The following NPC1 variants were observed in gnomAD, a reference collection of about 807,000 sequenced individuals.
NPC1 encodes NPC intracellular cholesterol transporter 1.
NPC1 carries 85 observed loss-of-function variants against 140.4 expected under a neutral mutation model. The ratio of observed to expected loss-of-function variants is 0.61; its 90% confidence interval spans 0.51 to 0.72. The LOEUF (loss-of-function observed/expected upper bound fraction) is 0.72. Ranked by LOEUF, NPC1 falls within the 30% of genes least tolerant of loss-of-function variation. The pLI is 0.00. For synonymous variants in NPC1, 656 were observed against 624.8 expected, an observed-to-expected ratio of 1.05 and a Z score of -0.74; for missense variants, 1,504 against 1,623.8, an observed-to-expected ratio of 0.93 and a Z score of 1.27.
At position 23,548,072 on chromosome 18, in the gene NPC1, G is replaced by T. The variant is rs2058814189; in HGVS notation, c.1691C>A (p.Thr564Asn). ...ATTATAGTAATTATTGACAGGGAAG[G>T]TAATCACAAGGGCAGTGGCGTTATT... ...NYNNATALVITFPVNNYYNDT... is the reference protein window; with the variant it reads ...NYNNATALVINFPVNNYYNDT... Residue 564 changes from threonine to asparagine, a missense_variant, in exon 11 of 25, where the codon ACC becomes AAC. By Grantham distance (65) the Thr-to-Asn change is moderately conservative. Transcript: ENST00000269228. The T allele has an allele frequency of 6.2e-7, 1 of 1,612,062 alleles. No individual in the cohort carries two copies. Among genetic ancestry groups the T allele is most frequent in the Non-Finnish European group, 8.5e-7 (1 of 1,178,186 alleles).
intron 3 of NPC1, chr18:23,507,109 G>C: frequency 7.7e-7 from 1 of 1,296,644 alleles, no homozygotes; most frequent in Non-Finnish European, 1.1e-6. Context: ...ACATTTGGAA[G>C]AGAAGGAATC....
At chr18:23,552,632 A>C (rs923121382) in intron 9 of NPC1, among the ~76,000 whole-genome samples, 2 of 152,250 alleles carry the variant, frequency 1.3e-5, no homozygotes, top group Non-Finnish European at 2.9e-5. Flanking sequence ...CTGGCAGTGC[A>C]GTGCAGACAG....
chr18:23,560,523 C>T (rs1348475713), intron 5 of NPC1, 43 bp from the exon 6 acceptor site: 1 of 1,608,790 alleles, frequency 6.2e-7, no homozygotes, highest in Non-Finnish European at 8.5e-7. Flanking sequence ...CAATTAAAAA[C>T]ATCCAAAATT....
intron 1 of NPC1, among the ~76,000 whole-genome samples, chr18:23,574,547 G>A (rs895733561): frequency 6.6e-6 from 1 of 152,138 alleles, no homozygotes; most frequent in African/African-American, 2.4e-5. Context: ...AGTCTGTGTT[G>A]GTCCTTCAGT....
chr18:23,553,008 G>A (rs1228455439), intron 9 of NPC1, among the ~76,000 whole-genome samples: 2 of 152,210 alleles, frequency 1.3e-5, no homozygotes, highest in Non-Finnish European at 2.9e-5. Context: ...GGACCCTCAG[G>A]TGAAAAAGTC....
intron 1 of NPC1, among the ~76,000 whole-genome samples, chr18:23,585,487 A>C (rs937065705): frequency 2.0e-5 from 3 of 152,192 alleles, no homozygotes; most frequent in African/African-American, 7.2e-5. Flanking sequence ...GAGGGGCGTT[A>C]ATGTGCACAA....
rs773767253 is a variant in NPC1, at chr18:23,539,363, T to C, written c.2903A>G (p.Asn968Ser). The change falls in exon 19 of 25, where the codon AAT (asparagine) becomes AGT (serine). Residue 968 changes from asparagine to serine, a missense_variant. Transcript: ENST00000269228. ...GGTAAAGGAGAAGGTACCTGAAGCA[T>C]TGCAGAACTGGTCAGTGATATTGTC... ...RVDNITDQFC[N>S]ASVVDPACVR... is the part of the protein sequence containing the mutation. 30 of 1,610,350 alleles carry C rather than the reference T, an allele frequency of 1.9e-5. No homozygotes were observed. Among genetic ancestry groups the C allele is most frequent in the African/African-American group, 9.4e-5 (7 of 74,844 alleles).
At chr18:23,543,347 G>GAA (rs888343174) in intron 14 of NPC1, 108 bp downstream of exon 14, 430 of 401,580 alleles carry the variant, frequency 1.1e-3, no homozygotes, top group Middle Eastern at 1.2e-3. Flanking sequence ...AAAAAAAAAA[G>GAA]AAAAAAAAAA....
intron 3 of NPC1, chr18:23,509,355 G>A (rs1358328104): frequency 6.1e-6 from 3 of 492,950 alleles, no homozygotes; most frequent in South Asian, 6.3e-5. Flanking sequence ...ATTCAGTACT[G>A]AATATATATA....
Position 23,562,308 on chromosome 18 carries a change from A to C in NPC1, c.464-781T>G, listed in dbSNP as rs200486920. ...CATCACAAAAAAACAAAAAAAAAAA[A>C]CAAAAAAAACCCCTAATACTGTTAT... On this transcript the variant is annotated intron_variant, in intron 4 of 24. Transcript: ENST00000269228. Among the ~76,000 whole-genome samples the C allele has an allele frequency of 8.7e-4, 129 of 148,342 alleles. 1 individual carries two copies. In the East Asian group the frequency reaches 0.022, roughly 25 times the overall value.
intron 4 of NPC1, among the ~76,000 whole-genome samples, chr18:23,567,248 T>C (rs1393928475): frequency 6.6e-6 from 1 of 152,262 alleles, no homozygotes; most frequent in African/African-American, 2.4e-5. Context: ...CCAAGGTGGC[T>C]GTACCGTTTT....
chr18:23,543,333 A>AGAAAAAAAAAAAAAG lies in NPC1; in HGVS notation c.2245+121_2245+122insCTTTTTTTTTTTTTC, dbSNP rs71373350. The AGAAAAAAAAAAAAAG allele has an allele frequency of 3.8e-3, 957 of 250,302 alleles. 19 individuals are homozygous for AGAAAAAAAAAAAAAG. The African/African-American group carries it at 0.056, about 15-fold the overall frequency. The allele number at this position is 250,302 out of a possible 1,614,324, so 15.5% of individuals were successfully genotyped here. A position where few individuals can be genotyped will look rare whatever the true frequency, so the allele number is the denominator to read the frequency against. ...GGCAGAGTGAGACTCCGTCTCAGAGAAAAAAAAAAAAAAGAAAAAAAAAAA... is the reference window on the plus strand; with the variant it reads ...GGCAGAGTGAGACTCCGTCTCAGAGAGAAAAAAAAAAAAAGAAAAAAAAAAAAAGAAAAAAAAAAA... On this transcript the variant is annotated intron_variant, in intron 14 of 24. Transcript: ENST00000269228.
At chr18:23,540,991 G>A in intron 16 of NPC1, 77 bp downstream of exon 16, 1 of 1,503,322 alleles carries the variant, frequency 6.7e-7, no homozygotes, top group Non-Finnish European at 9.3e-7. Flanking sequence ...TCCTTCCCAG[G>A]CTGTCTGGCT....
rs1378397795 is a variant in NPC1 at position 23,542,833 on chromosome 18, C to T, written c.2245+622G>A. Among the ~76,000 whole-genome samples the T allele has an allele frequency of 3.9e-5, 6 of 152,196 alleles. No homozygotes were observed. The East Asian group carries it at 1.2e-3, about 29-fold the overall frequency. ...GGCTACTCAAGGATGCCATTTTCAA[C>T]TATCAACATTCCCAGTGGCTACTAA... On this transcript the variant is annotated intron_variant, in intron 14 of 24. Transcript: ENST00000269228.
At chr18:23,548,424 CCTT>C (rs2058820349) in intron 10 of NPC1, among the ~76,000 whole-genome samples, 1 of 151,240 alleles carries the variant, frequency 6.6e-6, no homozygotes, top group Admixed American at 6.6e-5. Flanking sequence ...AAAATTCTCT[CCTT>C]CTCCAACATC....
At chr18:23,527,159 G>A (rs1442363883), downstream of NPC1, among the ~76,000 whole-genome samples, 1 of 146,618 alleles carries the variant, frequency 6.8e-6, no homozygotes, top group Non-Finnish European at 1.5e-5. Flanking sequence ...TGAAGCAGGA[G>A]GATTGCCTGA....
chr18:23,527,622 A>G (rs1262461121), downstream of NPC1, among the ~76,000 whole-genome samples: 1 of 138,836 alleles, frequency 7.2e-6, no homozygotes, highest in Non-Finnish European at 1.5e-5. Context: ...AACCGTAACC[A>G]GAAAGGGGTT....
At chr18:23,586,151 G>C in intron 1 of NPC1, 136 bp downstream of exon 1, 2 of 906,132 alleles carry the variant, frequency 2.2e-6, no homozygotes, top group South Asian at 3.4e-5. Flanking sequence ...GGACAAGTGA[G>C]GAACCTCCGA....
chr18:23,576,196 C>G (rs917556029), intron 1 of NPC1, among the ~76,000 whole-genome samples: 1 of 152,052 alleles, frequency 6.6e-6, no homozygotes, highest in African/African-American at 2.4e-5. Context: ...TACACTCCAG[C>G]CTGGGCAACA....
Sources: allele counts gnomAD v4.1 joint callset (sites outside exome capture counted in the v4.1 genomes callset), GRCh38; gene constraint gnomAD v4.1.1; transcripts MANE v1.5; gene names NCBI Gene and HGNC (gene_info 2026-07-23, HGNC 2026-07-21).